The following GNAI1 variants were observed in gnomAD, a reference collection of about 807,000 sequenced individuals.
GNAI1 encodes the protein G protein subunit alpha i1.
Under a neutral mutation model 38.9 loss-of-function variants are expected in GNAI1, and 11 were observed. That is an observed-to-expected ratio of 0.28 (90% confidence interval 0.18 to 0.47). The LOEUF (loss-of-function observed/expected upper bound fraction) is 0.47. Among genes scored for constraint, GNAI1 ranks in the 20% least tolerant of loss-of-function variants. The pLI is 0.99. For missense variants in GNAI1, 317 were observed against 436.9 expected (o/e 0.73, Z 2.45); for synonymous variants, 166 against 145.1 (o/e 1.14, Z -1.04).
Position 80,222,567 on chromosome 7 carries a change from A to C in GNAI1, c.*5074A>C, listed in dbSNP as rs947576813. On this transcript the variant is annotated 3_prime_UTR_variant, in exon 8 of 8. Transcript: ENST00000649796. Reference sequence around the variant, plus strand: ...TACACCCAACTAATCTTGTATTTTTAGTAGAGACGGGGTTTCTCCATGTCG... The same window carrying C: ...TACACCCAACTAATCTTGTATTTTTCGTAGAGACGGGGTTTCTCCATGTCG... Among the ~76,000 whole-genome samples the C allele has an allele frequency of 6.6e-6, 1 of 151,820 alleles. No individual in the cohort carries two copies. Among genetic ancestry groups the C allele is most frequent in the African/African-American group, 2.4e-5 (1 of 41,320 alleles).
In GNAI1 at chr7:80,135,285, G is replaced by T; in HGVS notation, c.118+7G>T. 6.9e-7 allele frequency: 1 copy of T among 1,452,140 alleles called. No homozygotes were observed. The highest frequency in any genetic ancestry group is 2.9e-5 in the East Asian group (1 of 34,948). 90.0% of individuals were successfully genotyped at this position (1,452,140 alleles called of 1,614,324 possible). A position where few individuals can be genotyped will look rare whatever the true frequency, so the allele number is the denominator to read the frequency against. On this transcript the variant is annotated splice_region_variant and intron_variant, in intron 1 of 7. Transcript: ENST00000649796. ...GTCAAGCTGCTGCTGCTCGGTAAGG[G>T]CGGCCGGGTCGGGGCCCGGGGGTCG... is the stretch of plus-strand genomic sequence containing the variant.
intron 1 of GNAI1, among the ~76,000 whole-genome samples, chr7:80,181,750 G>C (rs1285898890): frequency 1.3e-5 from 2 of 151,998 alleles, no homozygotes; most frequent in South Asian, 2.1e-4. Context: ...GTGACAGTGG[G>C]GTTGCCTCCT....
chr7:80,207,929 T>A (rs1449453750), intron 5 of GNAI1, among the ~76,000 whole-genome samples: 4 of 152,148 alleles, frequency 2.6e-5, no homozygotes, highest in African/African-American at 4.8e-5. Flanking sequence ...TTTTGTCAGA[T>A]ATAAAGCATT....
intron 1 of GNAI1, 136 bp downstream of exon 1, chr7:80,135,414 C>A (rs1252337002): frequency 2.0e-6 from 1 of 499,660 alleles, no homozygotes; most frequent in South Asian, 4.6e-5. Flanking sequence ...CTGGGTCCGG[C>A]GGTGCGGAGG....
chr7:80,139,235 C>A (rs1281155814), intron 1 of GNAI1, among the ~76,000 whole-genome samples: 1 of 152,122 alleles, frequency 6.6e-6, no homozygotes, highest in East Asian at 1.9e-4. Flanking sequence ...TAGTTCAAGT[C>A]CTTCTCTGCC....
chr7:80,196,077 C>T (rs1788564725), intron 3 of GNAI1, among the ~76,000 whole-genome samples: 1 of 151,940 alleles, frequency 6.6e-6, no homozygotes. Flanking sequence ...TAAATAAGTA[C>T]AGCATGCCAG....
intron 1 of GNAI1, among the ~76,000 whole-genome samples, chr7:80,186,189 C>T (rs762141154): frequency 2.0e-5 from 3 of 151,946 alleles, no homozygotes; most frequent in Admixed American, 6.6e-5. Context: ...CCTACCACCA[C>T]GCCCAGTTAA....
chr7:80,144,326 T>C (rs1787580389), intron 1 of GNAI1, among the ~76,000 whole-genome samples: 2 of 151,934 alleles, frequency 1.3e-5, no homozygotes, highest in Non-Finnish European at 2.9e-5. Flanking sequence ...GTTTGACAAC[T>C]TTCCACAAAA....
chr7:80,167,208 C>G (rs748374189), intron 1 of GNAI1, among the ~76,000 whole-genome samples: 6 of 152,206 alleles, frequency 3.9e-5, no homozygotes, highest in Admixed American at 6.5e-5. Flanking sequence ...GACATCCAGA[C>G]TCGAACACTG....
chr7:80,156,797 C>T (rs1787826429), intron 1 of GNAI1, among the ~76,000 whole-genome samples: 1 of 152,050 alleles, frequency 6.6e-6, no homozygotes, highest in African/African-American at 2.4e-5. Flanking sequence ...TTTTGACAGA[C>T]TTTATTTTTT....
At chr7:80,216,209 C>T (rs1308251650) in intron 7 of GNAI1, among the ~76,000 whole-genome samples, 1 of 150,514 alleles carries the variant, frequency 6.6e-6, no homozygotes, top group African/African-American at 2.4e-5. Flanking sequence ...AGCATAAGTG[C>T]GTGTTTAAAG....
At chr7:80,166,792 T>C (rs892526988) in intron 1 of GNAI1, among the ~76,000 whole-genome samples, 1 of 152,246 alleles carries the variant, frequency 6.6e-6, no homozygotes, top group African/African-American at 2.4e-5. Flanking sequence ...ATGAATCTTC[T>C]ACATGTAATA....
At chr7:80,167,454 G>T (rs776295162) in intron 1 of GNAI1, among the ~76,000 whole-genome samples, 5 of 152,128 alleles carry the variant, frequency 3.3e-5, no homozygotes, top group Admixed American at 1.3e-4. Context: ...CTCCCATCCT[G>T]CCAGACCCGA....
rs368642343 is a variant in GNAI1 at position 80,135,368 on chromosome 7, G to A, written c.118+90G>A. 85 of 735,778 alleles carry A rather than the reference G, an allele frequency of 1.2e-4. No individual in the cohort carries two copies. In the African/African-American group the frequency reaches 1.2e-3, roughly 11 times the overall value. The allele number at this position is 735,778 out of a possible 1,614,324, so 45.6% of individuals were successfully genotyped here. ...CGGCGTTTGGAAACCCGGAGGGAAG[G>A]GGGAGGAAGCGCCCGAGGAGGCTTC... is the stretch of plus-strand genomic sequence containing the variant. On this transcript the variant is annotated intron_variant, in intron 1 of 7. Transcript: ENST00000649796.
chr7:80,203,540 A>G (rs1200141895), intron 4 of GNAI1, among the ~76,000 whole-genome samples, 164 bp from the exon 5 acceptor site: 1 of 152,190 alleles, frequency 6.6e-6, no homozygotes, highest in Non-Finnish European at 1.5e-5. Flanking sequence ...AGTTTGTAAG[A>G]TAAGATACAA....
intron 1 of GNAI1, among the ~76,000 whole-genome samples, chr7:80,170,090 T>C (rs1177324257): frequency 6.6e-6 from 1 of 152,234 alleles, no homozygotes; most frequent in Non-Finnish European, 1.5e-5. Flanking sequence ...GTTGTCTTGT[T>C]TCCACCATTT....
chr7:80,170,554 G>A (rs529590269), intron 1 of GNAI1, among the ~76,000 whole-genome samples: 3 of 152,256 alleles, frequency 2.0e-5, no homozygotes, highest in African/African-American at 4.8e-5. Context: ...CAGTTCTGCA[G>A]GCAGTACAAG....
chr7:80,190,383 AT>A (rs1788461306), intron 3 of GNAI1, among the ~76,000 whole-genome samples: 2 of 152,074 alleles, frequency 1.3e-5, no homozygotes, highest in Non-Finnish European at 2.9e-5. Flanking sequence ...ATTTTAAATA[AT>A]TTATACATTT....
At chr7:80,217,042 G>A (rs1315106022) in intron 7 of GNAI1, among the ~76,000 whole-genome samples, 2 of 152,076 alleles carry the variant, frequency 1.3e-5, no homozygotes, top group Non-Finnish European at 1.5e-5. Flanking sequence ...CAGGAACAAA[G>A]ATCATGATGA....
Sources: gnomAD v4.1 joint callset for allele counts (sites outside exome capture counted in the v4.1 genomes callset) on GRCh38, gnomAD v4.1.1 for gene constraint, MANE v1.5 for transcripts, NCBI Gene and HGNC (gene_info 2026-07-23, HGNC 2026-07-21) for gene names.